GPATCH2: variants seen among roughly 807,000 people sequenced by gnomAD.
GPATCH2 encodes G-patch domain containing 2.
A neutral mutation model predicts 58.0 loss-of-function variants in GPATCH2; 51 were observed. The observed-to-expected ratio is 0.88, with a 90% CI of 0.70 to 1.11. The LOEUF is 1.11. GPATCH2 is among the 50% of genes most tolerant of loss of function. The pLI is 0.00. For synonymous variants in GPATCH2, 222 were observed against 218.5 expected (o/e 1.02, Z -0.14); for missense variants, 625 against 652.2 (o/e 0.96, Z 0.45).
intron 5 of GPATCH2, among the ~76,000 whole-genome samples, chr1:217,524,250 A>G (rs1663684802): frequency 8.2e-6 from 1 of 122,664 alleles, no homozygotes; most frequent in South Asian, 2.6e-4. Flanking sequence ...GGGTCTCCTC[A>G]CTTCTCAGAC....
chr1:217,522,641 T>C (rs1663525574), intron 5 of GPATCH2, among the ~76,000 whole-genome samples: 3 of 152,228 alleles, frequency 2.0e-5, no homozygotes, highest in Non-Finnish European at 4.4e-5. Flanking sequence ...AAAATGTATA[T>C]AAGATGGTGT....
intron 5 of GPATCH2, among the ~76,000 whole-genome samples, chr1:217,575,115 A>G (rs988659416): frequency 1.3e-5 from 2 of 152,314 alleles, no homozygotes; most frequent in East Asian, 3.9e-4. Context: ...TCCTTCAGTC[A>G]TATCAATGAG....
At position 217,518,433 on chromosome 1, in the gene GPATCH2, T is replaced by C. The variant is rs546185577; in HGVS notation, c.1099-3544A>G. ...TAAAAGCATTTTCTTATTCTTTTTG[T>C]CCCTGATGTATTGATACCAATTTTA... On this transcript the variant is annotated intron_variant, in intron 5 of 9. Coordinates refer to ENST00000366935, the MANE Select transcript of GPATCH2 (RefSeq NM_018040.5). 1.9e-4 allele frequency among the ~76,000 whole-genome samples: 29 copies of C among 152,338 alleles called. 1 individual carries two copies. Among genetic ancestry groups the C allele is most frequent in the African/African-American group, 7.0e-4 (29 of 41,578 alleles).
At chr1:217,515,154 A>T (rs907047542) in intron 5 of GPATCH2, among the ~76,000 whole-genome samples, 16 of 150,742 alleles carry the variant, frequency 1.1e-4, no homozygotes, top group African/African-American at 2.0e-4. Context: ...GGAGTGCAGC[A>T]GCGCGATCTC....
At chr1:217,450,276 A>C (rs1430201637) in intron 8 of GPATCH2, among the ~76,000 whole-genome samples, 1 of 152,096 alleles carries the variant, frequency 6.6e-6, no homozygotes, top group African/African-American at 2.4e-5. Context: ...AGACAGAGAG[A>C]TATCTGACAG....
At chr1:217,592,477 A>T (rs772838821) in intron 5 of GPATCH2, among the ~76,000 whole-genome samples, 68 of 152,068 alleles carry the variant, frequency 4.5e-4, no homozygotes, top group African/African-American at 1.6e-3. Context: ...TCACTATGGA[A>T]TCAGTGAAAG....
intron 6 of GPATCH2, 80 bp downstream of exon 6, chr1:217,514,742 T>C: frequency 1.5e-6 from 1 of 650,424 alleles, no homozygotes; most frequent in Non-Finnish European, 2.8e-6. Context: ...AAATAAGCTT[T>C]ACTAGTAGTA....
rs35584120 is a variant in GPATCH2 at position 217,601,428 on chromosome 1, CA to C, written c.1098+8892del. Among the ~76,000 whole-genome samples the C allele has an allele frequency of 3.4e-3, 494 of 145,940 alleles. 3 individuals are homozygous for C. Among genetic ancestry groups the C allele is most frequent in the African/African-American group, 0.01 (405 of 39,752 alleles). ...TCAATTAAAAAAATAAACATAAAGG[CA>C]AAAAAAAAAATTCAGAAGCATTAGT... On this transcript the variant is annotated intron_variant, in intron 5 of 9. Coordinates refer to ENST00000366935, the MANE Select transcript of GPATCH2 (RefSeq NM_018040.5).
In GPATCH2 at chr1:217,436,799, C is replaced by T. The variant is rs150309889; in HGVS notation, c.1367-5434G>A. Among the ~76,000 whole-genome samples, 20 of 152,134 alleles carry T rather than the reference C, an allele frequency of 1.3e-4. No homozygotes were observed. In the East Asian group the frequency reaches 3.5e-3, roughly 27 times the overall value. ...TGTTTGGAGAGATAATTCAGCTGCC[C>T]GAAGTCAATTAGCTAAAGAGTACCC... On this transcript the variant is annotated intron_variant, in intron 9 of 9. Coordinates refer to ENST00000366935, the MANE Select transcript of GPATCH2 (RefSeq NM_018040.5).
At chr1:217,503,684 C>G (rs1336094621) in intron 6 of GPATCH2, among the ~76,000 whole-genome samples, 1 of 151,998 alleles carries the variant, frequency 6.6e-6, no homozygotes, top group Non-Finnish European at 1.5e-5. Context: ...AAAATGGTAT[C>G]ATACCATTCA....
chr1:217,583,285 G>A lies in GPATCH2; in HGVS notation c.1098+27036C>T, dbSNP rs1410983233. Among the ~76,000 whole-genome samples the A allele has an allele frequency of 4.6e-5, 7 of 152,164 alleles. No homozygotes were observed. The East Asian group carries it at 1.2e-3, about 25-fold the overall frequency. The stretch of plus-strand genomic sequence containing the variant: ...CATATGTCTGTCTAAAAAGATAGAA[G>A]ACTGAGTCGGGCGGGGTGGCTCATG... On this transcript the variant is annotated intron_variant, in intron 5 of 9. Coordinates refer to ENST00000366935, the MANE Select transcript of GPATCH2 (RefSeq NM_018040.5).
intron 5 of GPATCH2, among the ~76,000 whole-genome samples, chr1:217,604,527 A>G (rs915327580): frequency 6.6e-6 from 1 of 152,202 alleles, no homozygotes. Context: ...TTATGGATAC[A>G]AACATGTATC....
intron 5 of GPATCH2, among the ~76,000 whole-genome samples, chr1:217,531,178 G>C (rs1441468655): frequency 6.6e-6 from 1 of 152,030 alleles, no homozygotes; most frequent in Non-Finnish European, 1.5e-5. Context: ...ATATGTCTCT[G>C]TATCTTTCTT....
At chr1:217,608,499 T>C in intron 5 of GPATCH2, 12 of 984,904 alleles carry the variant, frequency 1.2e-5, no homozygotes, top group Non-Finnish European at 1.4e-5. Context: ...AGCCTATCAG[T>C]TGTAATAGCT....
intron 6 of GPATCH2, among the ~76,000 whole-genome samples, chr1:217,509,913 G>C (rs77577055): frequency 6.6e-6 from 1 of 152,136 alleles, no homozygotes; most frequent in African/African-American, 2.4e-5. Flanking sequence ...AAAAATAAGA[G>C]AGATAGAGAA....
At chr1:217,534,061 C>T (rs1664340620) in intron 5 of GPATCH2, among the ~76,000 whole-genome samples, 1 of 151,914 alleles carries the variant, frequency 6.6e-6, no homozygotes, top group East Asian at 1.9e-4. Context: ...ACTAAAAATA[C>T]AAAAATTAGC....
At chr1:217,499,299 T>C (rs1056823748) in intron 6 of GPATCH2, among the ~76,000 whole-genome samples, 2 of 152,174 alleles carry the variant, frequency 1.3e-5, no homozygotes, top group Non-Finnish European at 2.9e-5. Context: ...CATGTTTTAT[T>C]TCCCATCTTC....
intron 8 of GPATCH2, among the ~76,000 whole-genome samples, chr1:217,484,585 A>ATATACACGTGTGCATATATATG (rs1661366354): frequency 2.0e-5 from 3 of 146,688 alleles, no homozygotes; most frequent in South Asian, 2.1e-4. Context: ...TATGATGCAC[A>ATATACACGTGTGCATATATATG]TATACACGTG....
At chr1:217,523,482 G>T (rs1023159798) in intron 5 of GPATCH2, among the ~76,000 whole-genome samples, 5 of 151,672 alleles carry the variant, frequency 3.3e-5, no homozygotes, top group African/African-American at 9.7e-5. Context: ...GAGAGCACAG[G>T]GTTGGGGGTA....
Sources: allele counts gnomAD v4.1 joint callset (sites outside exome capture counted in the v4.1 genomes callset), GRCh38; gene constraint gnomAD v4.1.1; transcripts MANE v1.5; gene names NCBI Gene and HGNC (gene_info 2026-07-23, HGNC 2026-07-21).